PTPRT: variants seen among roughly 807,000 people sequenced by gnomAD.
PTPRT encodes protein tyrosine phosphatase receptor type T, also known as receptor-type tyrosine-protein phosphatase T.
PTPRT carries 56 observed loss-of-function variants against 176.8 expected under a neutral mutation model. The observed-to-expected ratio is 0.32, with a 90% confidence interval of 0.26 to 0.40. PTPRT has a LOEUF of 0.40. Ranked by LOEUF, PTPRT falls within the 10% of genes least tolerant of loss-of-function variation. PTPRT has a pLI of 1.00. For missense variants in PTPRT, 1,540 were observed against 1,908.2 expected (o/e 0.81, Z 3.60); for synonymous variants, 783 against 739.0 (o/e 1.06, Z -0.96).
intron 1 of PTPRT, among the ~76,000 whole-genome samples, chr20:43,069,939 C>T (rs1011548506): frequency 3.3e-5 from 5 of 152,162 alleles, no homozygotes; most frequent in African/African-American, 1.2e-4. Context: ...CCACGGGCTC[C>T]TATAAGGCAG....
Position 42,304,759 on chromosome 20 carries a change from A to G in PTPRT, c.2139+10964T>C, listed in dbSNP as rs903732200. Among the ~76,000 whole-genome samples, 3 of 152,216 alleles carry G rather than the reference A, an allele frequency of 2.0e-5. No homozygotes were observed. In the East Asian group the frequency reaches 5.8e-4, roughly 29 times the overall value. On this transcript the variant is annotated intron_variant, in intron 12 of 30. Coordinates refer to ENST00000373187, the MANE Select transcript of PTPRT (RefSeq NM_007050.6). ...ACCTCAGATTTCATAGGATTGATAT[A>G]AGAGGGACTAATTGAGTGTTTGAGC...
At chr20:43,010,323 T>C (rs990080518) in intron 1 of PTPRT, among the ~76,000 whole-genome samples, 1 of 152,046 alleles carries the variant, frequency 6.6e-6, no homozygotes, top group Non-Finnish European at 1.5e-5. Flanking sequence ...ACCCAAGTAG[T>C]TGGGTCTCAA....
intron 7 of PTPRT, among the ~76,000 whole-genome samples, chr20:42,572,183 C>G (rs1353919476): frequency 2.0e-5 from 3 of 152,114 alleles, no homozygotes; most frequent in Non-Finnish European, 4.4e-5. Context: ...GGCACTAATC[C>G]CGTTCATGGG....
intron 9 of PTPRT, among the ~76,000 whole-genome samples, chr20:42,438,388 G>A (rs765025522): frequency 6.6e-6 from 1 of 152,084 alleles, no homozygotes; most frequent in African/African-American, 2.4e-5. Context: ...TTCTCCCCTG[G>A]TGTTACCATG....
intron 1 of PTPRT, among the ~76,000 whole-genome samples, chr20:43,123,395 T>C (rs79178220): frequency 6.4e-4 from 98 of 152,284 alleles, no homozygotes; most frequent in African/African-American, 2.2e-3. Context: ...ATCTACTCTT[T>C]CCTTTCTTAT....
chr20:42,581,869 C>A (rs2073378869), intron 7 of PTPRT, among the ~76,000 whole-genome samples: 1 of 152,206 alleles, frequency 6.6e-6, no homozygotes, highest in Admixed American at 6.5e-5. Flanking sequence ...ATCTGGGCTC[C>A]TGCCTAAAGC....
intron 16 of PTPRT, among the ~76,000 whole-genome samples, chr20:42,165,237 A>T (rs1271770283): frequency 6.6e-6 from 1 of 152,068 alleles, no homozygotes; most frequent in African/African-American, 2.4e-5. Flanking sequence ...TTAGTCACAT[A>T]TTTCCATCAC....
At chr20:43,127,008 G>A (rs1225167669) in intron 1 of PTPRT, among the ~76,000 whole-genome samples, 1 of 152,144 alleles carries the variant, frequency 6.6e-6, no homozygotes, top group African/African-American at 2.4e-5. Context: ...TCTTTTCATT[G>A]CCACAGGAAA....
At chr20:42,173,103 A>G (rs572905011) in intron 16 of PTPRT, among the ~76,000 whole-genome samples, 1 of 152,296 alleles carries the variant, frequency 6.6e-6, no homozygotes, top group East Asian at 1.9e-4. Flanking sequence ...AGGGCCATCA[A>G]TCTTGACTTG....
downstream of PTPRT, among the ~76,000 whole-genome samples, chr20:42,072,033 T>G (rs935130136): frequency 1.1e-4 from 16 of 152,176 alleles, no homozygotes; most frequent in African/African-American, 3.4e-4. Flanking sequence ...TGATTCTGAG[T>G]ATTCCATGTA....
At chr20:42,245,626 A>G (rs1301300030) in intron 14 of PTPRT, among the ~76,000 whole-genome samples, 2 of 152,114 alleles carry the variant, frequency 1.3e-5, no homozygotes, top group Admixed American at 1.3e-4. Flanking sequence ...CCCTTCATCC[A>G]TGGATCTCAA....
chr20:43,163,656 A>G (rs572890543), intron 1 of PTPRT, among the ~76,000 whole-genome samples: 3 of 151,892 alleles, frequency 2.0e-5, no homozygotes, highest in Non-Finnish European at 4.4e-5. Flanking sequence ...AACAAAACAA[A>G]AAAAAAAACA....
At chr20:42,761,108 C>T (rs2076909005) in intron 5 of PTPRT, among the ~76,000 whole-genome samples, 1 of 152,134 alleles carries the variant, frequency 6.6e-6, no homozygotes, top group Admixed American at 6.5e-5. Context: ...CCCAGACAGG[C>T]TGCACTAACA....
At chr20:42,187,393 C>T (rs144149136) in intron 16 of PTPRT, among the ~76,000 whole-genome samples, 30 of 152,052 alleles carry the variant, frequency 2.0e-4, no homozygotes, top group African/African-American at 3.4e-4. Context: ...AAAAGTCAAC[C>T]GGTGCTGAGT....
At chr20:42,978,767 G>A (rs1203800675) in intron 1 of PTPRT, among the ~76,000 whole-genome samples, 5 of 152,158 alleles carry the variant, frequency 3.3e-5, no homozygotes, top group Admixed American at 1.3e-4. Flanking sequence ...CTACACTCCC[G>A]CCAGCGCCAT....
At position 42,678,802 on chromosome 20, in the gene PTPRT, C is replaced by T. The variant is rs906284394; in HGVS notation, c.860-643G>A. ...CTGGGTGAATACTCTGTTTTCTAGCCTCAAAGGAAAACCTGCTTTTGCTGA... is the reference window on the plus strand; with the variant it reads ...CTGGGTGAATACTCTGTTTTCTAGCTTCAAAGGAAAACCTGCTTTTGCTGA... On this transcript the variant is annotated intron_variant, in intron 6 of 30. Coordinates refer to ENST00000373187, the MANE Select transcript of PTPRT (RefSeq NM_007050.6). Among the ~76,000 whole-genome samples, 5 of 152,280 alleles carry T rather than the reference C, an allele frequency of 3.3e-5. No homozygotes were observed. In the East Asian group the frequency reaches 9.7e-4, roughly 29 times the overall value.
At chr20:42,285,086 T>G (rs2147066221) in intron 12 of PTPRT, among the ~76,000 whole-genome samples, 1 of 152,176 alleles carries the variant, frequency 6.6e-6, no homozygotes, top group South Asian at 2.1e-4. Context: ...GTGAGCAAAC[T>G]CATTTCTGTT....
chr20:42,559,259 A>T (rs993809205), intron 7 of PTPRT, among the ~76,000 whole-genome samples: 2 of 152,158 alleles, frequency 1.3e-5, no homozygotes, highest in African/African-American at 4.8e-5. Context: ...CATTCACCTG[A>T]AAATCTGCAA....
chr20:42,067,840 C>T (rs1416669004), downstream of PTPRT, among the ~76,000 whole-genome samples: 1 of 152,196 alleles, frequency 6.6e-6, no homozygotes. Context: ...TTGTGCATAG[C>T]TGAAGCCCAG....
Sources: gnomAD v4.1 joint callset for allele counts (sites outside exome capture counted in the v4.1 genomes callset) on GRCh38, gnomAD v4.1.1 for gene constraint, MANE v1.5 for transcripts, NCBI Gene and HGNC (gene_info 2026-07-23, HGNC 2026-07-21) for gene names.